Variants in SLC25A48 observed in about 807,000 individuals in gnomAD.
SLC25A48 encodes the protein solute carrier family 25 member 48, also known as CTC-321K16.1.
SLC25A48 carries 29 observed loss-of-function variants against 32.2 expected under a neutral mutation model. The ratio of observed to expected loss-of-function variants is 0.90; its 90% confidence interval spans 0.67 to 1.23. The LOEUF (loss-of-function observed/expected upper bound fraction) is 1.23, where lower values mean the gene tolerates loss of function less well. Among genes scored for constraint, SLC25A48 ranks in the 50% most tolerant of loss-of-function variants. SLC25A48 has a pLI of 0.00. For synonymous variants in SLC25A48, 164 were observed against 172.3 expected (o/e 0.95, Z 0.38); for missense variants, 399 against 422.7 (o/e 0.94, Z 0.49).
intron 3 of SLC25A48, among the ~76,000 whole-genome samples, chr5:135,795,394 C>T (rs1342813903): frequency 1.3e-5 from 2 of 151,718 alleles, no homozygotes; most frequent in Non-Finnish European, 2.9e-5. Context: ...ATCCCAATAA[C>T]GCAGGGGGTG....
chr5:135,797,498 C>T (rs1207761927), intron 3 of SLC25A48, among the ~76,000 whole-genome samples: 5 of 151,808 alleles, frequency 3.3e-5, no homozygotes, highest in Admixed American at 3.3e-4. Context: ...AGTGTACACT[C>T]ACCCTTTGAT....
chr5:135,739,365 G>A (rs560451672), intron 3 of SLC25A48, among the ~76,000 whole-genome samples: 1 of 152,312 alleles, frequency 6.6e-6, no homozygotes, highest in South Asian at 2.1e-4. Context: ...AGAAGATGGT[G>A]TGTTACTCTT....
chr5:135,858,441 A>C (rs1395492602), intron 4 of SLC25A48, among the ~76,000 whole-genome samples: 1 of 152,204 alleles, frequency 6.6e-6, no homozygotes, highest in Non-Finnish European at 1.5e-5. Flanking sequence ...TGGACTGAAT[A>C]AGAATGGTCT....
chr5:135,848,210 T>G (rs531836175), intron 2 of SLC25A48, among the ~76,000 whole-genome samples: 2 of 152,316 alleles, frequency 1.3e-5, no homozygotes, highest in East Asian at 3.9e-4. Context: ...CATGTATTAT[T>G]GGCTTGAGTG....
chr5:135,774,424 A>G (rs1756495781), intron 3 of SLC25A48, among the ~76,000 whole-genome samples: 1 of 151,868 alleles, frequency 6.6e-6, no homozygotes, highest in Non-Finnish European at 1.5e-5. Context: ...CCAATATCGC[A>G]GAGGGTGTAC....
At chr5:135,801,832 T>G (rs2126643226) in intron 3 of SLC25A48, among the ~76,000 whole-genome samples, 1 of 151,810 alleles carries the variant, frequency 6.6e-6, no homozygotes, top group South Asian at 2.1e-4. Context: ...CATTCCTCTA[T>G]CATATTGTTC....
chr5:135,852,821 G>A lies in SLC25A48; in HGVS notation c.421G>A (p.Ala141Thr), dbSNP rs200717821. ...LQMQTQPFRD[A>T]NLGLKSRAVA... ...GATGCAGACACAACCGTTTCGGGAC[G>A]GTAAGAGGCCAGGGGAGCGGAGGCT... is the stretch of plus-strand genomic sequence containing the variant. Residue 141 changes from alanine (A) to threonine (T), a missense_variant and splice_region_variant, in exon 4 of 8, where the codon GCC (alanine) becomes ACC (threonine). Coordinates refer to ENST00000681962, the MANE Select transcript of SLC25A48 (RefSeq NM_001349336.2). 4.1e-4 allele frequency: 659 copies of A among 1,602,202 alleles called. 5 individuals carry two copies. The highest frequency in any genetic ancestry group is 7.5e-4 in the South Asian group (68 of 90,664).
At chr5:135,592,940 G>C (rs950038263) in intron 1 of SLC25A48, among the ~76,000 whole-genome samples, 1 of 152,144 alleles carries the variant, frequency 6.6e-6, no homozygotes, top group Non-Finnish European at 1.5e-5. Context: ...AGAGACGCTT[G>C]GTATAAACGT....
At chr5:135,708,888 C>T (rs1754585417) in intron 3 of SLC25A48, among the ~76,000 whole-genome samples, 1 of 152,300 alleles carries the variant, frequency 6.6e-6, no homozygotes, top group African/African-American at 2.4e-5. Flanking sequence ...TGGCTCTCAT[C>T]ACAATCATGG....
intron 6 of SLC25A48, among the ~76,000 whole-genome samples, chr5:135,877,340 C>A (rs1006633685): frequency 2.0e-4 from 30 of 152,120 alleles, no homozygotes; most frequent in African/African-American, 7.2e-4. Context: ...GGGGCTGTGG[C>A]AGTGAGATGA....
chr5:135,822,967 G>C (rs1357921488), intron 4 of SLC25A48, among the ~76,000 whole-genome samples: 1 of 152,112 alleles, frequency 6.6e-6, no homozygotes, highest in Admixed American at 6.5e-5. Flanking sequence ...CTGGGACTTG[G>C]AGGAGGGGGC....
At chr5:135,727,285 G>A (rs1480692998) in intron 3 of SLC25A48, among the ~76,000 whole-genome samples, 5 of 129,846 alleles carry the variant, frequency 3.9e-5, no homozygotes, top group Non-Finnish European at 8.4e-5. Flanking sequence ...ATATATGTAT[G>A]TACACACACA....
At chr5:135,847,053 C>G (rs1759481477) in intron 2 of SLC25A48, among the ~76,000 whole-genome samples, 1 of 152,096 alleles carries the variant, frequency 6.6e-6, no homozygotes, top group South Asian at 2.1e-4. Flanking sequence ...TTCTACATAA[C>G]CAGGAGAGAC....
chr5:135,609,978 G>A (rs1312919237), intron 1 of SLC25A48, among the ~76,000 whole-genome samples: 1 of 152,138 alleles, frequency 6.6e-6, no homozygotes, highest in Non-Finnish European at 1.5e-5. Context: ...TTTAGAATAA[G>A]CTCACTTTTA....
At chr5:135,754,668 A>G (rs1007463275) in intron 3 of SLC25A48, among the ~76,000 whole-genome samples, 1 of 151,986 alleles carries the variant, frequency 6.6e-6, no homozygotes, top group Non-Finnish European at 1.5e-5. Context: ...TTTATACACC[A>G]TGATATTAAT....
chr5:135,850,188 G>A (rs12522259), intron 2 of SLC25A48, among the ~76,000 whole-genome samples: 20,868 of 152,238 alleles, frequency 0.14, 1,843 homozygotes, highest in Middle Eastern at 0.2. Flanking sequence ...GGCACAACTA[G>A]CTGGCCTTTG....
intron 3 of SLC25A48, among the ~76,000 whole-genome samples, chr5:135,698,921 A>C (rs1462741900): frequency 6.6e-6 from 1 of 152,256 alleles, no homozygotes. Context: ...GTGAATGGCC[A>C]ATGCACTCAT....
chr5:135,837,082 C>T (rs1758599519), intron 1 of SLC25A48, among the ~76,000 whole-genome samples: 1 of 150,270 alleles, frequency 6.7e-6, no homozygotes, highest in Admixed American at 6.7e-5. Context: ...TCTCAAATCC[C>T]CTGCTTTCAG....
Position 135,861,589 on chromosome 5 carries a change from T to C in SLC25A48, c.421+8768T>C, listed in dbSNP as rs76324334. 4.2e-4 allele frequency among the ~76,000 whole-genome samples: 64 copies of C among 152,356 alleles called. 1 individual carries two copies. The East Asian group carries it at 0.01, about 25-fold the overall frequency. On this transcript the variant is annotated intron_variant, in intron 4 of 7. Transcript: ENST00000681962. ...ATAGAAAATGTGAAATAAATGTTAA[T>C]TATCAGTAAATGTATTATTTAACAA... is the stretch of plus-strand genomic sequence containing the variant.
Sources: allele counts gnomAD v4.1 joint callset (sites outside exome capture counted in the v4.1 genomes callset), GRCh38; gene constraint gnomAD v4.1.1; transcripts MANE v1.5; gene names NCBI Gene and HGNC (gene_info 2026-07-23, HGNC 2026-07-21).